RFC3: variants seen among roughly 807,000 people sequenced by gnomAD.
The protein encoded by RFC3 is replication factor C subunit 3, also known as A1 38 kDa subunit.
In RFC3, 41 loss-of-function variants were observed where a neutral mutation model predicts 45.1. That is an observed-to-expected ratio of 0.91 (90% CI 0.71 to 1.18). The LOEUF is 1.18. Among genes scored for constraint, RFC3 ranks in the 50% most tolerant of loss-of-function variants. The pLI is 0.00. For missense variants in RFC3, 423 were observed against 428.1 expected (o/e 0.99, Z 0.10); for synonymous variants, 149 against 144.0 (o/e 1.03, Z -0.25).
At chr13:33,976,576 C>T in the RFC3 span, among the ~76,000 whole-genome samples, 1 of 152,106 alleles carries the variant, frequency 6.6e-6, no homozygotes. Context: ...TCATAATGTT[C>T]TCATCACAAA....
intron 8 of RFC3, among the ~76,000 whole-genome samples, chr13:33,955,183 A>T (rs2137843793): frequency 6.6e-6 from 1 of 152,308 alleles, no homozygotes; most frequent in African/African-American, 2.4e-5. Context: ...AATGAACAAG[A>T]GTGAAGAAGG....
At chr13:33,932,215 G>T (rs775556742) in intron 8 of RFC3, among the ~76,000 whole-genome samples, 2 of 151,976 alleles carry the variant, frequency 1.3e-5, no homozygotes, top group South Asian at 2.1e-4. Context: ...TTTAATTGTC[G>T]TAGCTAAAGA....
intron 8 of RFC3, among the ~76,000 whole-genome samples, chr13:33,909,789 C>T (rs1305193970): frequency 6.6e-6 from 1 of 151,918 alleles, no homozygotes; most frequent in Non-Finnish European, 1.5e-5. Flanking sequence ...ATGTAATGCC[C>T]CTTTGGGTGA....
At chr13:33,952,251 A>G (rs2082995505) in intron 8 of RFC3, among the ~76,000 whole-genome samples, 1 of 152,262 alleles carries the variant, frequency 6.6e-6, no homozygotes. Flanking sequence ...GAAGGGAATG[A>G]CATGTGCCTT....
At chr13:33,846,914 T>C (rs555882734) in intron 8 of RFC3, 1 of 152,444 alleles carries the variant, frequency 6.6e-6, no homozygotes, top group East Asian at 1.9e-4. Flanking sequence ...CTTTTTCTTT[T>C]TTTTTGGTGG....
chr13:33,901,595 G>T (rs1240369056), intron 8 of RFC3, among the ~76,000 whole-genome samples: 1 of 151,960 alleles, frequency 6.6e-6, no homozygotes, highest in Non-Finnish European at 1.5e-5. Flanking sequence ...TATATGACCT[G>T]ATAGAAAAAA....
intron 8 of RFC3, among the ~76,000 whole-genome samples, chr13:33,919,222 C>G (rs1033249767): frequency 2.0e-5 from 3 of 151,894 alleles, no homozygotes; most frequent in African/African-American, 7.3e-5. Flanking sequence ...TTTCAATTAT[C>G]TTTTTGTATT....
At position 33,852,579 on chromosome 13, in the gene RFC3, AAATAAT is replaced by A. The variant is rs1027506628; in HGVS notation, c.879+17368_879+17373del. Among the ~76,000 whole-genome samples, 28 of 152,130 alleles carry A rather than the reference AAATAAT, an allele frequency of 1.8e-4. No homozygotes were observed. The South Asian group carries it at 4.3e-3, about 24-fold the overall frequency. On this transcript the variant is annotated intron_variant, in intron 8 of 8. Coordinates refer to the RFC3 transcript ENST00000434425. ...TGGTATATTCACCAGGAACATTGAGAAATAATAATAAAAGAGAAAGTTTGGAAGGAG... is the reference window on the plus strand; with the variant it reads ...TGGTATATTCACCAGGAACATTGAGAAATAAAAGAGAAAGTTTGGAAGGAG...
At chr13:33,974,995 C>T in the RFC3 span, among the ~76,000 whole-genome samples, 1 of 152,160 alleles carries the variant, frequency 6.6e-6, no homozygotes, top group Non-Finnish European at 1.5e-5. Context: ...TTGGAAGTTT[C>T]TTGTAAAGCT....
chr13:33,879,238 A>G (rs1266945483), intron 8 of RFC3, among the ~76,000 whole-genome samples: 1 of 152,226 alleles, frequency 6.6e-6, no homozygotes, highest in African/African-American at 2.4e-5. Context: ...CAATAGAACA[A>G]TTGTATTATT....
chr13:33,836,937 C>G lies in RFC3; in HGVS notation c.*642C>G. 2.0e-6 allele frequency: 2 copies of G among 984,928 alleles called. No individual in the cohort carries two copies. The highest frequency in any genetic ancestry group is 2.4e-6 in the Non-Finnish European group (2 of 829,586). 61.0% of individuals were successfully genotyped at this position (984,928 alleles called of 1,614,324 possible). A position where few individuals can be genotyped will look rare whatever the true frequency, so the allele number is the denominator to read the frequency against. ...CTTGAAGAAAATTCAGAATGAAGTT[C>G]TGGAGAAAGGTATGTTACTGTAGTA... On this transcript the variant is annotated 3_prime_UTR_variant, in exon 9 of 9. Transcript: ENST00000380071.
chr13:33,862,667 C>G (rs542782982), intron 8 of RFC3, among the ~76,000 whole-genome samples: 5 of 152,014 alleles, frequency 3.3e-5, no homozygotes, highest in Non-Finnish European at 7.4e-5. Context: ...TTTTGACATT[C>G]TATATTTTGA....
intron 1 of RFC3, 137 bp downstream of exon 1, chr13:33,818,402 G>C (rs2081968513): frequency 6.2e-6 from 4 of 649,024 alleles, no homozygotes; most frequent in African/African-American, 5.5e-5. Flanking sequence ...CACAGGGAAG[G>C]GGGAAGAGGT....
At chr13:33,896,524 G>A (rs1342908091) in intron 8 of RFC3, among the ~76,000 whole-genome samples, 1 of 151,670 alleles carries the variant, frequency 6.6e-6, no homozygotes, top group East Asian at 1.9e-4. Flanking sequence ...AGGAATTTGA[G>A]ACCAGCCTGG....
chr13:33,871,201 G>C (rs1008421768), intron 8 of RFC3, among the ~76,000 whole-genome samples: 15 of 152,152 alleles, frequency 9.9e-5, no homozygotes, highest in African/African-American at 3.6e-4. Flanking sequence ...GTTTTACATA[G>C]CTGCCATAAC....
intron 1 of RFC3, among the ~76,000 whole-genome samples, chr13:33,818,934 A>G (rs1593600068): frequency 8.2e-6 from 1 of 121,386 alleles, no homozygotes; most frequent in Non-Finnish European, 1.6e-5. Context: ...GTTGTCGCCC[A>G]GGCTGGAATG....
At chr13:33,929,684 T>C (rs1219391540) in intron 8 of RFC3, among the ~76,000 whole-genome samples, 1 of 152,126 alleles carries the variant, frequency 6.6e-6, no homozygotes, top group East Asian at 1.9e-4. Flanking sequence ...TTTTGGTAGA[T>C]GCATGTTTAT....
downstream of RFC3, among the ~76,000 whole-genome samples, chr13:33,841,179 T>C (rs572761567): frequency 5.7e-4 from 87 of 152,356 alleles, 2 homozygotes; most frequent in African/African-American, 2.0e-3. Context: ...CCTGATGATC[T>C]GAGATGGAAC....
At chr13:33,853,049 A>G (rs1051255842) in intron 8 of RFC3, among the ~76,000 whole-genome samples, 4 of 152,172 alleles carry the variant, frequency 2.6e-5, no homozygotes, top group Non-Finnish European at 5.9e-5. Context: ...CATGTATAAC[A>G]GAGCACTAGA....
Sources: allele counts gnomAD v4.1 joint callset (sites outside exome capture counted in the v4.1 genomes callset), GRCh38; gene constraint gnomAD v4.1.1; transcripts MANE v1.5; gene names NCBI Gene and HGNC (gene_info 2026-07-23, HGNC 2026-07-21).